Variants in KCNJ6 observed in about 807,000 individuals in gnomAD.
KCNJ6 encodes the protein potassium inwardly rectifying channel subfamily J member 6, also known as G protein-activated inward rectifier potassium channel 2.
A neutral mutation model predicts 34.2 loss-of-function variants in KCNJ6; 9 were observed. That is an observed-to-expected ratio of 0.26 (90% CI 0.16 to 0.46). The LOEUF (loss-of-function observed/expected upper bound fraction) is 0.46. Ranked by LOEUF, KCNJ6 falls within the 20% of genes least tolerant of loss-of-function variation. The probability of loss-of-function intolerance (pLI) is 1.00; values close to 1 mark genes in which losing one functional copy is unlikely to be tolerated. For missense variants in KCNJ6, 236 were observed against 531.3 expected, an observed-to-expected ratio of 0.44 and a Z score of 5.46; for synonymous variants, 196 against 207.1, an observed-to-expected ratio of 0.95 and a Z score of 0.46.
At chr21:37,631,029 C>T (rs1401868179) in intron 3 of KCNJ6, among the ~76,000 whole-genome samples, 1 of 152,158 alleles carries the variant, frequency 6.6e-6, no homozygotes, top group African/African-American at 2.4e-5. Flanking sequence ...CATAACACTT[C>T]AGTGACCTAT....
intron 2 of KCNJ6, among the ~76,000 whole-genome samples, chr21:37,836,631 A>T (rs2055452963): frequency 6.6e-6 from 1 of 152,154 alleles, no homozygotes; most frequent in African/African-American, 2.4e-5. Context: ...CAGCAAACTA[A>T]CACGAGAACG....
At position 37,695,183 on chromosome 21, in the gene KCNJ6, C is replaced by G. The variant is rs1363522448; in HGVS notation, c.946+19028G>C. ...CACACCATAATGATGCACAATCTTG[C>G]TGCATGCCCAATAAATTTGATTCCA... On this transcript the variant is annotated intron_variant, in intron 3 of 3. Coordinates refer to ENST00000609713, the MANE Select transcript of KCNJ6 (RefSeq NM_002240.5). The surrounding 1 kb of genome is among the most constrained non-coding windows in gnomAD (Gnocchi z 4.2). 2.0e-5 allele frequency among the ~76,000 whole-genome samples: 3 copies of G among 152,200 alleles called. No homozygotes were observed. The highest frequency in any genetic ancestry group is 7.2e-5 in the African/African-American group (3 of 41,456).
chr21:37,804,942 A>G (rs909707072), intron 2 of KCNJ6, among the ~76,000 whole-genome samples: 2 of 152,246 alleles, frequency 1.3e-5, no homozygotes, highest in Admixed American at 1.3e-4. Context: ...GTACAATGGA[A>G]TATTATTTAG....
At position 37,611,128 on chromosome 21, in the gene KCNJ6, A is replaced by C. The variant is rs924427734; in HGVS notation, c.*14031T>G. 6.6e-6 allele frequency: 1 copy of C among 152,218 alleles called. No individual in the cohort carries two copies. Among genetic ancestry groups the C allele is most frequent in the African/African-American group, 2.4e-5 (1 of 41,462 alleles). 9.4% of individuals were successfully genotyped at this position (152,218 alleles called of 1,614,324 possible). On this transcript the variant is annotated 3_prime_UTR_variant, in exon 4 of 4. Coordinates refer to ENST00000609713, the MANE Select transcript of KCNJ6 (RefSeq NM_002240.5). ...AAAAAGAGAAAGAACACAAATTACTACTATCAGAAATGAGAGCGGGGACGT... is the reference window on the plus strand; with the variant it reads ...AAAAAGAGAAAGAACACAAATTACTCCTATCAGAAATGAGAGCGGGGACGT...
chr21:37,668,250 C>T (rs2054525825), intron 3 of KCNJ6, among the ~76,000 whole-genome samples: 1 of 152,180 alleles, frequency 6.6e-6, no homozygotes, highest in African/African-American at 2.4e-5. Context: ...GACCCATGTT[C>T]AGCCCCACGT....
At chr21:37,635,069 G>GT (rs577991068) in intron 3 of KCNJ6, among the ~76,000 whole-genome samples, 35 of 151,860 alleles carry the variant, frequency 2.3e-4, no homozygotes, top group Non-Finnish European at 3.7e-4. Flanking sequence ...TCACTTTGTG[G>GT]TTTTTTTTAA....
intron 2 of KCNJ6, among the ~76,000 whole-genome samples, chr21:37,838,607 A>G (rs1032035005): frequency 6.6e-6 from 1 of 152,172 alleles, no homozygotes; most frequent in African/African-American, 2.4e-5. Context: ...TGTGCTGTGG[A>G]TTGTGAATTA....
At chr21:37,650,625 C>T (rs1191902224) in intron 3 of KCNJ6, among the ~76,000 whole-genome samples, 1 of 152,196 alleles carries the variant, frequency 6.6e-6, no homozygotes, top group African/African-American at 2.4e-5. Context: ...AGCCAGCTTT[C>T]CTTCAAGAAT....
chr21:37,877,951 A>G (rs927310272), intron 1 of KCNJ6, among the ~76,000 whole-genome samples: 1 of 152,264 alleles, frequency 6.6e-6, no homozygotes, highest in East Asian at 1.9e-4. Context: ...AATTCAAGAG[A>G]AAGAAAAGGC....
chr21:37,899,565 C>T (rs1457402761), intron 1 of KCNJ6, among the ~76,000 whole-genome samples: 1 of 152,158 alleles, frequency 6.6e-6, no homozygotes, highest in African/African-American at 2.4e-5. Context: ...AAGAACACAC[C>T]TTGGACCCTC....
chr21:37,858,253 C>T (rs941784174), intron 1 of KCNJ6, among the ~76,000 whole-genome samples: 13 of 151,706 alleles, frequency 8.6e-5, no homozygotes, highest in Admixed American at 2.6e-4. Context: ...ATTAGCCAGG[C>T]GTAGTGGCGG....
intron 2 of KCNJ6, among the ~76,000 whole-genome samples, chr21:37,818,593 T>C (rs1434912976): frequency 6.6e-6 from 1 of 152,216 alleles, no homozygotes; most frequent in East Asian, 1.9e-4. Flanking sequence ...CAATTTAAAA[T>C]GATAATTTCT....
chr21:37,641,196 C>T (rs2054379295), intron 3 of KCNJ6, among the ~76,000 whole-genome samples: 1 of 152,142 alleles, frequency 6.6e-6, no homozygotes, highest in Non-Finnish European at 1.5e-5. Flanking sequence ...GGCAGGAGCT[C>T]TGTCTTGGCC....
At chr21:37,713,604 C>T (rs2835910) in intron 3 of KCNJ6, among the ~76,000 whole-genome samples, 47,213 of 152,040 alleles carry the variant, frequency 0.31, 7,601 homozygotes, top group Middle Eastern at 0.39. Context: ...GGAGGGCCGG[C>T]GGGATTAAGA....
Position 37,745,072 on chromosome 21 carries a change from GTTTTTTTTTTTTTTTTTTTTTTT to G in KCNJ6, c.26-29964_26-29942del, listed in dbSNP as rs58661633. Among the ~76,000 whole-genome samples, 191 of 89,460 alleles carry G rather than the reference GTTTTTTTTTTTTTTTTTTTTTTT, an allele frequency of 2.1e-3. 3 individuals are homozygous for G. The highest frequency in any genetic ancestry group is 0.018 in the East Asian group (61 of 3,328). The allele number at this position is 89,460 out of a possible 152,430, so 58.7% of individuals were successfully genotyped here. A position where few individuals can be genotyped will look rare whatever the true frequency, so the allele number is the denominator to read the frequency against. On this transcript the variant is annotated intron_variant, in intron 2 of 3. Transcript: ENST00000609713. ...AGAAGGACTTAGCCCAACGTTGCTG[GTTTTTTTTTTTTTTTTTTTTTTT>G]TTTTTTTTTTTTTTTGACAGACAGG... is the stretch of plus-strand genomic sequence containing the variant.
chr21:37,748,569 T>C (rs530950844), intron 2 of KCNJ6, among the ~76,000 whole-genome samples: 16 of 152,264 alleles, frequency 1.1e-4, no homozygotes, highest in African/African-American at 3.9e-4. Context: ...ATTCTGGTGA[T>C]AGGAAGTGGA....
chr21:37,652,451 G>A (rs559895905), intron 3 of KCNJ6, among the ~76,000 whole-genome samples: 3 of 152,326 alleles, frequency 2.0e-5, no homozygotes, highest in African/African-American at 4.8e-5. Context: ...GGCAGAAAGA[G>A]CCAAGGTTGA....
chr21:37,653,688 C>A (rs2054444275), intron 3 of KCNJ6, among the ~76,000 whole-genome samples: 1 of 152,172 alleles, frequency 6.6e-6, no homozygotes, highest in Admixed American at 6.5e-5. Flanking sequence ...TCTCTCCATC[C>A]TGTCTTCAAC....
intron 1 of KCNJ6, among the ~76,000 whole-genome samples, chr21:37,873,413 A>AT (rs2055662176): frequency 6.6e-6 from 1 of 152,176 alleles, no homozygotes; most frequent in African/African-American, 2.4e-5. Context: ...CAAAGATCTC[A>AT]TCACTGGTGG....
Sources: allele counts gnomAD v4.1 joint callset (sites outside exome capture counted in the v4.1 genomes callset), GRCh38; gene constraint gnomAD v4.1.1; non-coding constraint Gnocchi (gnomAD v3.1); transcripts MANE v1.5; gene names NCBI Gene and HGNC (gene_info 2026-07-23, HGNC 2026-07-21).